The following RBMS3 variants were observed in gnomAD, a reference collection of about 807,000 sequenced individuals.
RBMS3 encodes RNA binding motif single stranded interacting protein 3.
A neutral mutation model predicts 66.8 loss-of-function variants in RBMS3; 27 were observed. The observed-to-expected ratio is 0.40, with a 90% CI of 0.30 to 0.56. The LOEUF is 0.56. Ranked by LOEUF, RBMS3 falls within the 20% of genes least tolerant of loss-of-function variation. The pLI is 0.40. For missense variants in RBMS3, 513 were observed against 549.5 expected (o/e 0.93, Z 0.66); for synonymous variants, 188 against 183.0 (o/e 1.03, Z -0.22).
intron 6 of RBMS3, among the ~76,000 whole-genome samples, chr3:29,806,957 G>A (rs2057569842): frequency 6.6e-6 from 1 of 151,850 alleles, no homozygotes; most frequent in African/African-American, 2.4e-5. Context: ...ATAAACGTCT[G>A]AGTCCTGAAC....
intron 1 of RBMS3, among the ~76,000 whole-genome samples, chr3:29,423,130 G>GT (rs1429874383): frequency 6.6e-6 from 1 of 152,150 alleles, no homozygotes; most frequent in South Asian, 2.1e-4. Context: ...GGATGGCAGG[G>GT]TTGCGGGGGT....
intron 3 of RBMS3, among the ~76,000 whole-genome samples, chr3:29,551,426 A>G (rs1378148114): frequency 1.3e-5 from 2 of 152,226 alleles, no homozygotes; most frequent in Non-Finnish European, 2.9e-5. Context: ...GTATTCGCTT[A>G]TGCTTTCATC....
In RBMS3 at chr3:30,005,219, G is replaced by A. The variant is rs1338407650; in HGVS notation, c.*1357G>A. 1 of 151,368 alleles carries A rather than the reference G, an allele frequency of 6.6e-6. No individual in the cohort carries two copies. The highest frequency in any genetic ancestry group is 1.5e-5 in the Non-Finnish European group (1 of 67,734). 9.4% of individuals were successfully genotyped at this position (151,368 alleles called of 1,614,324 possible). A position where few individuals can be genotyped will look rare whatever the true frequency, so the allele number is the denominator to read the frequency against. ...TGCAAAAAAAAAAAGAGGGTGGGGG[G>A]AGTTGTCTCTCTTTTCTTTAAATGT... is the stretch of plus-strand genomic sequence containing the variant. On this transcript the variant is annotated 3_prime_UTR_variant, in exon 15 of 15. Transcript: ENST00000383767.
chr3:29,882,194 A>G (rs2059752766), intron 7 of RBMS3, among the ~76,000 whole-genome samples: 1 of 152,102 alleles, frequency 6.6e-6, no homozygotes, highest in African/African-American at 2.4e-5. Context: ...AGACAGCTCC[A>G]TTCTGTGTTC....
chr3:29,977,027 G>T (rs112315626), intron 12 of RBMS3, among the ~76,000 whole-genome samples: 3,328 of 152,150 alleles, frequency 0.022, 121 homozygotes, highest in African/African-American at 0.075. Flanking sequence ...TCTAGCACAA[G>T]CTTTGTTTTC....
chr3:29,790,427 G>A (rs1045105089), intron 6 of RBMS3, among the ~76,000 whole-genome samples: 3 of 152,064 alleles, frequency 2.0e-5, no homozygotes, highest in African/African-American at 7.2e-5. Flanking sequence ...TATATTTTGT[G>A]TGGTTCGGTT....
intron 10 of RBMS3, among the ~76,000 whole-genome samples, chr3:29,931,904 A>G (rs2061137904): frequency 1.3e-5 from 2 of 152,240 alleles, no homozygotes; most frequent in Non-Finnish European, 2.9e-5. Flanking sequence ...TTTAAAATTC[A>G]TATATAGTTT....
chr3:29,505,255 A>C (rs1344640929), intron 3 of RBMS3, among the ~76,000 whole-genome samples: 2 of 151,950 alleles, frequency 1.3e-5, no homozygotes, highest in East Asian at 3.9e-4. Flanking sequence ...ATAAAGGTCT[A>C]ATTTCATTCT....
intron 3 of RBMS3, among the ~76,000 whole-genome samples, chr3:29,498,835 C>G (rs960189298): frequency 3.3e-5 from 5 of 152,074 alleles, no homozygotes; most frequent in Admixed American, 1.3e-4. Flanking sequence ...TAATTTAATG[C>G]CATTCTGAGT....
chr3:29,398,424 C>T (rs1463294303), intron 1 of RBMS3, among the ~76,000 whole-genome samples: 1 of 152,150 alleles, frequency 6.6e-6, no homozygotes, highest in Non-Finnish European at 1.5e-5. Context: ...AGGAAGGTCT[C>T]AAGGACAAGT....
In RBMS3 at chr3:29,494,865, C is replaced by T. The variant is rs114991810; in HGVS notation, c.307+6366C>T. 6.6e-3 allele frequency among the ~76,000 whole-genome samples: 972 copies of T among 147,686 alleles called. 20 individuals carry two copies. The highest frequency in any genetic ancestry group is 0.023 in the African/African-American group (935 of 41,208). ...TAGAGGGAATGAGTAATGGATATTC[C>T]GTAGAAAGTTTCCATGCCTATTAAC... On this transcript the variant is annotated intron_variant, in intron 3 of 14. Transcript: ENST00000383767.
chr3:29,471,957 T>C (rs1264864326), intron 2 of RBMS3, among the ~76,000 whole-genome samples: 1 of 152,130 alleles, frequency 6.6e-6, no homozygotes, highest in East Asian at 1.9e-4. Context: ...ATAGAAAGCA[T>C]TTCATACTTC....
chr3:29,868,202 C>T lies in RBMS3; in HGVS notation c.638-656C>T, dbSNP rs142788406. Among the ~76,000 whole-genome samples the T allele has an allele frequency of 4.0e-4, 61 of 151,704 alleles. 1 individual carries two copies. The East Asian group carries it at 0.01, about 25-fold the overall frequency. On this transcript the variant is annotated intron_variant, in intron 6 of 14. Transcript: ENST00000383767. ...CATTTACCTGAGTCATGTAGGACCA[C>T]ATCAAGCAATCTGGGACTCACAAGT...
At chr3:29,814,182 T>C (rs202129112) in intron 6 of RBMS3, among the ~76,000 whole-genome samples, 2,155 of 152,008 alleles carry the variant, frequency 0.014, 47 homozygotes, top group South Asian at 0.059. Flanking sequence ...TGAGAGTTTT[T>C]AGCATGAAGG....
intron 3 of RBMS3, among the ~76,000 whole-genome samples, chr3:29,491,699 TG>T (rs1459608209): frequency 6.6e-6 from 1 of 152,118 alleles, no homozygotes; most frequent in Non-Finnish European, 1.5e-5. Flanking sequence ...TGTAAGAAAT[TG>T]GACAGCGGTT....
intron 3 of RBMS3, among the ~76,000 whole-genome samples, chr3:29,559,707 G>A (rs918029258): frequency 6.6e-5 from 10 of 151,966 alleles, no homozygotes; most frequent in East Asian, 1.9e-4. Flanking sequence ...CCACACAGTG[G>A]AGTTAGCCAC....
intron 5 of RBMS3, among the ~76,000 whole-genome samples, chr3:29,741,009 C>T (rs2054616383): frequency 6.6e-6 from 1 of 150,942 alleles, no homozygotes; most frequent in Non-Finnish European, 1.5e-5. Context: ...CCACTATACT[C>T]CAGCCTGGGC....
At chr3:29,346,964 T>A (rs147164059) in intron 1 of RBMS3, among the ~76,000 whole-genome samples, 91 of 152,308 alleles carry the variant, frequency 6.0e-4, no homozygotes, top group African/African-American at 2.1e-3. Context: ...CTAAAAGCAC[T>A]ATGAAAAACA....
chr3:29,667,387 G>A (rs1045936213), intron 4 of RBMS3, among the ~76,000 whole-genome samples: 1 of 152,118 alleles, frequency 6.6e-6, no homozygotes, highest in Admixed American at 6.6e-5. Flanking sequence ...ATACCCCTGA[G>A]AACTTGTTTG....
Sources: gnomAD v4.1 joint callset for allele counts (sites outside exome capture counted in the v4.1 genomes callset) on GRCh38, gnomAD v4.1.1 for gene constraint, MANE v1.5 for transcripts, NCBI Gene and HGNC (gene_info 2026-07-23, HGNC 2026-07-21) for gene names.